NHERF1: variants seen among roughly 807,000 people sequenced by gnomAD.
NHERF1 encodes the protein NHERF family PDZ scaffold protein 1.
chr17:74,753,313 A>T, the NHERF1 span, among the ~76,000 whole-genome samples: 1 of 152,166 alleles, frequency 6.6e-6, no homozygotes, highest in African/African-American at 2.4e-5. Context: ...GTCAGAGTGC[A>T]GGCACCCCAG....
At chr17:74,751,377 G>C in the NHERF1 span, among the ~76,000 whole-genome samples, 1 of 152,390 alleles carries the variant, frequency 6.6e-6, no homozygotes, top group East Asian at 1.9e-4. The surrounding 1 kb of genome is among the most constrained non-coding windows in gnomAD (Gnocchi z 4.3). Context: ...ATCAAATGGA[G>C]GTTTGCCAAT....
the NHERF1 span, chr17:74,768,530 C>G: frequency 3.1e-6 from 5 of 1,614,114 alleles, no homozygotes; most frequent in Admixed American, 6.7e-5. Context: ...CCTCCTCCTC[C>G]GACCCCATCC....
At chr17:74,767,888 G>C in the NHERF1 span, 2 of 586,896 alleles carry the variant, frequency 3.4e-6, no homozygotes, top group Non-Finnish European at 6.4e-6. Flanking sequence ...GAGAGGGAGC[G>C]GTTCAGCTAA....
chr17:74,764,555 G>C, the NHERF1 span, among the ~76,000 whole-genome samples: 7 of 152,136 alleles, frequency 4.6e-5, no homozygotes, highest in African/African-American at 1.7e-4. The surrounding 1 kb of genome is among the most constrained non-coding windows in gnomAD (Gnocchi z 4.9). Flanking sequence ...TTCCTCCTAG[G>C]GATCTGATAC....
chr17:74,754,399 C>CTTTTTTTTTTTT, the NHERF1 span, among the ~76,000 whole-genome samples: 4 of 59,680 alleles, frequency 6.7e-5, no homozygotes, highest in African/African-American at 9.2e-5. Context: ...TTCTTTCTTT[C>CTTTTTTTTTTTT]TTTTTTTTTT....
the NHERF1 span, among the ~76,000 whole-genome samples, chr17:74,762,393 A>G: frequency 1.3e-5 from 2 of 151,148 alleles, no homozygotes; most frequent in African/African-American, 4.9e-5. This position sits in a 1 kb window ranked among gnomAD's most constrained non-coding sequence, Gnocchi z 4.2. Context: ...TCTTACCTCC[A>G]CTCCCCTGGA....
At chr17:74,768,539 C>G in the NHERF1 span, 33 of 1,614,158 alleles carry the variant, frequency 2.0e-5, no homozygotes, top group Non-Finnish European at 2.8e-5. Context: ...CCGACCCCAT[C>G]CTAGACTTCA....
the NHERF1 span, among the ~76,000 whole-genome samples, chr17:74,750,110 C>T: frequency 2.6e-5 from 4 of 152,200 alleles, no homozygotes; most frequent in African/African-American, 7.2e-5. Context: ...CTGTGTGCGC[C>T]AGCGGAGCTC....
At chr17:74,766,179 G>T in the NHERF1 span, among the ~76,000 whole-genome samples, 1 of 151,746 alleles carries the variant, frequency 6.6e-6, no homozygotes, top group Middle Eastern at 3.4e-3. Flanking sequence ...AGGTTTTTTG[G>T]TTTGTTTTTT....
the NHERF1 span, chr17:74,763,412 TC>T: frequency 6.2e-7 from 1 of 1,614,060 alleles, no homozygotes; most frequent in Non-Finnish European, 8.5e-7. Flanking sequence ...GGACGTGGTG[TC>T]CGCCATCAGG....
At chr17:74,763,270 G>A in the NHERF1 span, 20 of 1,237,318 alleles carry the variant, frequency 1.6e-5, no homozygotes, top group Admixed American at 2.1e-5. Context: ...AACTGGCTGA[G>A]AACCAAGGTG....
chr17:74,763,435 C>T, the NHERF1 span: 60 of 1,613,904 alleles, frequency 3.7e-5, no homozygotes, highest in East Asian at 1.1e-4. Flanking sequence ...CTGGCGGGGA[C>T]GAGACCAAGC....
the NHERF1 span, among the ~76,000 whole-genome samples, chr17:74,759,615 G>T: frequency 6.6e-6 from 1 of 152,216 alleles, no homozygotes; most frequent in Non-Finnish European, 1.5e-5. Flanking sequence ...GGCCCTGAGC[G>T]CCCGGAAGGA....
chr17:74,756,320 C>T, the NHERF1 span, among the ~76,000 whole-genome samples: 2 of 133,318 alleles, frequency 1.5e-5, no homozygotes, highest in Non-Finnish European at 3.1e-5. Flanking sequence ...GCTCTATCAC[C>T]CAGGCTGGAG....
the NHERF1 span, chr17:74,766,874 C>G: frequency 1.9e-6 from 3 of 1,538,680 alleles, no homozygotes; most frequent in Non-Finnish European, 2.7e-6. Flanking sequence ...CAACTCCTAC[C>G]TCCTCTCCAC....
the NHERF1 span, among the ~76,000 whole-genome samples, chr17:74,755,225 C>T: frequency 6.6e-6 from 1 of 152,180 alleles, no homozygotes; most frequent in Non-Finnish European, 1.5e-5. Flanking sequence ...CTGTAAGGAT[C>T]CAGGGCTTCC....
At chr17:74,757,098 G>C in the NHERF1 span, among the ~76,000 whole-genome samples, 1 of 152,170 alleles carries the variant, frequency 6.6e-6, no homozygotes, top group East Asian at 1.9e-4. Flanking sequence ...GCCCTGCAGA[G>C]ACCTGAGCCA....
the NHERF1 span, among the ~76,000 whole-genome samples, chr17:74,750,707 G>A: frequency 5.3e-5 from 8 of 151,574 alleles, no homozygotes; most frequent in Admixed American, 3.3e-4. Flanking sequence ...TGAGTCCATC[G>A]ATCGATTTGA....
the NHERF1 span, chr17:74,749,265 CCGA>C: frequency 7.2e-6 from 11 of 1,529,078 alleles, no homozygotes; most frequent in South Asian, 1.2e-4. The surrounding 1 kb of genome is among the most constrained non-coding windows in gnomAD (Gnocchi z 5.6). Context: ...CCTCGCGAGG[CCGA>C]CAAGAGCCAC....
Sources: allele counts gnomAD v4.1 joint callset (sites outside exome capture counted in the v4.1 genomes callset), GRCh38; gene constraint gnomAD v4.1.1; non-coding constraint Gnocchi (gnomAD v3.1); transcripts MANE v1.5; gene names NCBI Gene and HGNC (gene_info 2026-07-23, HGNC 2026-07-21).